The following CREB5 variants were observed in gnomAD, a reference collection of about 807,000 sequenced individuals.
CREB5 encodes the protein cAMP responsive element binding protein 5, also known as cyclic AMP-responsive element-binding protein 5.
Under a neutral mutation model 57.1 loss-of-function variants are expected in CREB5, and 19 were observed. The observed-to-expected ratio is 0.33, with a 90% CI of 0.23 to 0.49. The LOEUF (loss-of-function observed/expected upper bound fraction) is 0.49. CREB5 is among the 20% of genes least tolerant of loss of function. The pLI is 0.99. For synonymous variants in CREB5, 238 were observed against 238.3 expected (o/e 1.00, Z 0.01); for missense variants, 579 against 671.6 (o/e 0.86, Z 1.52).
chr7:28,437,365 T>G (rs1176285296), intron 1 of CREB5, among the ~76,000 whole-genome samples: 1 of 136,008 alleles, frequency 7.4e-6, no homozygotes, highest in East Asian at 3.1e-4. Context: ...CTCTCTGTCA[T>G]GGGAGCCTCC....
At chr7:28,631,895 G>A (rs1251643609) in intron 5 of CREB5, among the ~76,000 whole-genome samples, 5 of 152,150 alleles carry the variant, frequency 3.3e-5, no homozygotes, top group East Asian at 3.8e-4. Context: ...AGATGAGGAG[G>A]CACCTGCCAA....
At chr7:28,615,535 C>G (rs1356009398) in intron 5 of CREB5, 1 of 152,410 alleles carries the variant, frequency 6.6e-6, no homozygotes, top group East Asian at 1.9e-4. Flanking sequence ...AGCAGCTACT[C>G]AGGCTGACAT....
intron 1 of CREB5, among the ~76,000 whole-genome samples, chr7:28,479,072 T>C (rs1791209415): frequency 6.6e-6 from 1 of 152,244 alleles, no homozygotes; most frequent in East Asian, 1.9e-4. Flanking sequence ...ACTTAGTCCC[T>C]TCCTTTCATC....
chr7:28,407,364 T>C (rs1787605599), intron 1 of CREB5, among the ~76,000 whole-genome samples: 1 of 152,198 alleles, frequency 6.6e-6, no homozygotes, highest in South Asian at 2.1e-4. Context: ...AGCACAATTC[T>C]TAACTCAAGT....
chr7:28,661,025 T>C (rs1315842861), intron 5 of CREB5, among the ~76,000 whole-genome samples: 2 of 152,112 alleles, frequency 1.3e-5, no homozygotes, highest in African/African-American at 2.4e-5. Flanking sequence ...ACCGAGCACT[T>C]TTTCAGCTTT....
chr7:28,420,821 A>AT (rs1562704922), intron 1 of CREB5, among the ~76,000 whole-genome samples: 1 of 151,424 alleles, frequency 6.6e-6, no homozygotes, highest in African/African-American at 2.4e-5. Flanking sequence ...AAAAAAAAAA[A>AT]AAAAAAAAGG....
intron 1 of CREB5, among the ~76,000 whole-genome samples, chr7:28,349,365 T>G (rs955740646): frequency 2.0e-5 from 3 of 152,054 alleles, no homozygotes; most frequent in Non-Finnish European, 4.4e-5. Flanking sequence ...TTCCCTAATT[T>G]TCAAGTCAAA....
At chr7:28,566,114 TGTG>T (rs1056852876) in intron 4 of CREB5, among the ~76,000 whole-genome samples, 2 of 152,212 alleles carry the variant, frequency 1.3e-5, no homozygotes, top group Non-Finnish European at 2.9e-5. Context: ...CCCCCTAAAA[TGTG>T]GTGGCCAAAT....
intron 4 of CREB5, among the ~76,000 whole-genome samples, chr7:28,557,063 T>A (rs1310267828): frequency 2.1e-5 from 3 of 142,340 alleles, no homozygotes; most frequent in African/African-American, 7.6e-5. Context: ...GCCCCAGGGC[T>A]TTCCTACAAT....
In CREB5 at chr7:28,560,903, C is replaced by CGTGT. The variant is rs1477125869; in HGVS notation, c.292-9461_292-9460insTGTG. On this transcript the variant is annotated intron_variant, in intron 4 of 10. Transcript: ENST00000357727. ...GCGTGCGTGCGTGTGTGTGCGTGCG[C>CGTGT]GCGTGCGTGTGCGTGTGTGCGCGTG... Among the ~76,000 whole-genome samples the CGTGT allele has an allele frequency of 2.6e-3, 67 of 26,146 alleles. 6 individuals carry two copies. Among genetic ancestry groups the CGTGT allele is most frequent in the South Asian group, 6.8e-3 (4 of 592 alleles). 17.2% of individuals were successfully genotyped at this position (26,146 alleles called of 152,430 possible). A position where few individuals can be genotyped will look rare whatever the true frequency, so the allele number is the denominator to read the frequency against.
rs536730999 is a variant in CREB5 at position 28,317,277 on chromosome 7, C to A, written c.-25+17836C>A. On this transcript the variant is annotated intron_variant, in intron 1 of 9. Coordinates refer to the CREB5 transcript ENST00000396299. Reference sequence around the variant, plus strand: ...CAGAGAACTCTTCATCAGTGTGAAACCAGGGTGGGCACCAGCAGTGAAAAC... The same window carrying A: ...CAGAGAACTCTTCATCAGTGTGAAAACAGGGTGGGCACCAGCAGTGAAAAC... Among the ~76,000 whole-genome samples, 3 of 152,222 alleles carry A rather than the reference C, an allele frequency of 2.0e-5. No individual in the cohort carries two copies. In the South Asian group the frequency reaches 6.2e-4, roughly 32 times the overall value.
intron 1 of CREB5, among the ~76,000 whole-genome samples, chr7:28,486,302 T>A (rs1355304795): frequency 6.6e-6 from 1 of 152,110 alleles, no homozygotes; most frequent in Admixed American, 6.6e-5. Flanking sequence ...AAAACATTAG[T>A]GTTTGTGGGG....
chr7:28,501,057 A>G (rs1030178197), intron 3 of CREB5, among the ~76,000 whole-genome samples: 1 of 152,076 alleles, frequency 6.6e-6, no homozygotes, highest in Non-Finnish European at 1.5e-5. Flanking sequence ...AGGTCATTTA[A>G]TCCTTACCAC....
At chr7:28,666,982 T>C (rs536012241) in intron 5 of CREB5, among the ~76,000 whole-genome samples, 1 of 151,790 alleles carries the variant, frequency 6.6e-6, no homozygotes, top group Non-Finnish European at 1.5e-5. Flanking sequence ...TATTTGATTA[T>C]AGTGGAGCTT....
intron 1 of CREB5, among the ~76,000 whole-genome samples, chr7:28,450,217 A>G (rs1789727066): frequency 1.3e-5 from 2 of 152,196 alleles, no homozygotes; most frequent in South Asian, 4.1e-4. Flanking sequence ...ACTGATAATA[A>G]TGATTCTGAT....
intron 1 of CREB5, among the ~76,000 whole-genome samples, chr7:28,356,475 G>T (rs1310739975): frequency 6.6e-6 from 1 of 152,236 alleles, no homozygotes; most frequent in East Asian, 1.9e-4. Flanking sequence ...TGATACATGT[G>T]TTGATCCTTT....
intron 4 of CREB5, among the ~76,000 whole-genome samples, chr7:28,549,942 C>T (rs559643157): frequency 6.6e-6 from 1 of 152,278 alleles, no homozygotes; most frequent in South Asian, 2.1e-4. Flanking sequence ...GTTTCACATG[C>T]CTGTTTTCTA....
chr7:28,326,592 G>A (rs767249131), intron 1 of CREB5, among the ~76,000 whole-genome samples: 5 of 152,322 alleles, frequency 3.3e-5, no homozygotes, highest in Non-Finnish European at 7.3e-5. Flanking sequence ...CAGGCACAAT[G>A]CTGAATGCTG....
chr7:28,744,340 C>CTTTTTTT (rs753167682), intron 7 of CREB5, among the ~76,000 whole-genome samples: 1 of 88,786 alleles, frequency 1.1e-5, no homozygotes, highest in Non-Finnish European at 2.2e-5. Flanking sequence ...TTTAGTACCT[C>CTTTTTTT]TTTTTTTTTT....
Sources: allele counts gnomAD v4.1 joint callset (sites outside exome capture counted in the v4.1 genomes callset), GRCh38; gene constraint gnomAD v4.1.1; transcripts MANE v1.5; gene names NCBI Gene and HGNC (gene_info 2026-07-23, HGNC 2026-07-21).